GET3: variants seen among roughly 807,000 people sequenced by gnomAD.
The protein encoded by GET3 is guided entry of tail-anchored proteins factor 3, ATPase.
A neutral mutation model predicts 32.4 loss-of-function variants in GET3; 15 were observed. That is an observed-to-expected ratio of 0.46 (90% CI 0.31 to 0.71). The LOEUF is 0.71. GET3 is among the 30% of genes least tolerant of loss of function. The probability of loss-of-function intolerance (pLI) is 0.05; values close to 1 mark genes in which losing one functional copy is unlikely to be tolerated. For missense variants in GET3, 333 were observed against 459.0 expected (o/e 0.73, Z 2.51); for synonymous variants, 198 against 185.6 (o/e 1.07, Z -0.54).
At position 12,747,898 on chromosome 19, in the gene GET3, C is replaced by T; in HGVS notation, c.916-75C>T. The T allele has an allele frequency of 6.9e-7, 1 of 1,451,154 alleles. No homozygotes were observed. Among genetic ancestry groups the T allele is most frequent in the East Asian group, 2.3e-5 (1 of 43,580 alleles). 89.9% of individuals were successfully genotyped at this position (1,451,154 alleles called of 1,614,324 possible). ...CTCTGGAAGCTTTCTAGCTTTACCG[C>T]TTCTATTGATCCACACTCTGTCTCT... On this transcript the variant is annotated intron_variant, in intron 6 of 6. Transcript: ENST00000357332. The surrounding 1 kb of genome is among the most constrained non-coding windows in gnomAD (Gnocchi z 4.0).
In GET3 at chr19:12,746,866, C is replaced by T. The variant is rs941365144; in HGVS notation, c.610-331C>T. 5.9e-5 allele frequency among the ~76,000 whole-genome samples: 9 copies of T among 152,040 alleles called. No homozygotes were observed. In the East Asian group the frequency reaches 7.8e-4, roughly 13 times the overall value. On this transcript the variant is annotated intron_variant, in intron 4 of 6. Transcript: ENST00000357332. ...CAGTACTAAAAATACAAAAATTAGC[C>T]GGGCATGGTGGTGCGCGCCTGTAAT...
At chr19:12,740,136 A>C (rs976794079) in intron 2 of GET3, among the ~76,000 whole-genome samples, 22 of 151,936 alleles carry the variant, frequency 1.4e-4, no homozygotes, top group Non-Finnish European at 2.8e-4. Context: ...TCATCCCAGC[A>C]CTGTGGGAGA....
chr19:12,737,739 C>T, intron 1 of GET3, 73 bp downstream of exon 1: 1 of 1,502,686 alleles, frequency 6.7e-7, no homozygotes, highest in Non-Finnish European at 8.8e-7. Flanking sequence ...CAAGGACCGG[C>T]TTTTCCACCA....
rs1190089927 is a variant in GET3 at position 12,745,898 on chromosome 19, G to A, written c.609+139G>A. The A allele has an allele frequency of 8.9e-6, 11 of 1,238,900 alleles. No individual in the cohort carries two copies. The highest frequency in any genetic ancestry group is 6.1e-5 in the African/African-American group (4 of 65,918). 76.7% of individuals were successfully genotyped at this position (1,238,900 alleles called of 1,614,324 possible). On this transcript the variant is annotated intron_variant, in intron 4 of 6. Coordinates refer to ENST00000357332, the MANE Select transcript of GET3 (RefSeq NM_004317.4). The surrounding 1 kb of genome is among the most constrained non-coding windows in gnomAD (Gnocchi z 5.0). ...TCACTCTGGACTTCTCCCTGGAGGGGATGGGACGGAGCTGTCTTTCCTCCC... is the reference window on the plus strand; with the variant it reads ...TCACTCTGGACTTCTCCCTGGAGGGAATGGGACGGAGCTGTCTTTCCTCCC...
intron 2 of GET3, among the ~76,000 whole-genome samples, chr19:12,740,338 G>T (rs1010120711): frequency 6.6e-6 from 1 of 151,382 alleles, no homozygotes; most frequent in Non-Finnish European, 1.5e-5. Flanking sequence ...CTGAGATCGC[G>T]CCACTGCACT....
At chr19:12,743,017 G>A (rs1967698728) in intron 2 of GET3, among the ~76,000 whole-genome samples, 1 of 152,150 alleles carries the variant, frequency 6.6e-6, no homozygotes, top group Admixed American at 6.6e-5. Flanking sequence ...CAGGTGAGGG[G>A]ATGAAGTAGT....
intron 1 of GET3, among the ~76,000 whole-genome samples, chr19:12,737,922 T>C (rs1967603601): frequency 6.6e-6 from 1 of 152,118 alleles, no homozygotes; most frequent in Non-Finnish European, 1.5e-5. Context: ...GGGGAAGCAC[T>C]TAGATATCCC....
At chr19:12,742,335 G>A (rs989356543) in intron 2 of GET3, among the ~76,000 whole-genome samples, 4 of 151,294 alleles carry the variant, frequency 2.6e-5, no homozygotes, top group Non-Finnish European at 4.4e-5. Flanking sequence ...GAGTTTAAGC[G>A]ATTCTCCTGC....
Position 12,747,116 on chromosome 19 carries a change from C to A in GET3, c.610-81C>A. On this transcript the variant is annotated intron_variant, in intron 4 of 6. Coordinates refer to ENST00000357332, the MANE Select transcript of GET3 (RefSeq NM_004317.4). The surrounding 1 kb of genome is among the most constrained non-coding windows in gnomAD (Gnocchi z 4.0). ...TTAACCACTGGGAGGTATCAGGAGT[C>A]ATCCCTCGGGTGTTTAGTGAACCCC... 1 of 1,183,994 alleles carries A rather than the reference C, an allele frequency of 8.4e-7. No individual in the cohort carries two copies. The highest frequency in any genetic ancestry group is 1.2e-6 in the Non-Finnish European group (1 of 834,164). The allele number at this position is 1,183,994 out of a possible 1,614,324, so 73.3% of individuals were successfully genotyped here. A position where few individuals can be genotyped will look rare whatever the true frequency, so the allele number is the denominator to read the frequency against.
At chr19:12,744,641 G>A (rs550841113) in intron 2 of GET3, among the ~76,000 whole-genome samples, 5 of 152,192 alleles carry the variant, frequency 3.3e-5, no homozygotes, top group East Asian at 1.9e-4. Context: ...ATGTGCTGAC[G>A]ACCTCTGTGC....
At chr19:12,742,231 C>CT (rs758340070) in intron 2 of GET3, among the ~76,000 whole-genome samples, 12,183 of 133,826 alleles carry the variant, frequency 0.091, 1,340 homozygotes, top group African/African-American at 0.26. Context: ...GAGATGGTAT[C>CT]TTTTTTTTTT....
Position 12,745,413 on chromosome 19 carries a change from G to T in GET3, c.346G>T (p.Asp116Tyr). ...CAGCCTGGGCGTGGCGGAGCTGCCT[G>T]ACGAGTTCTTCGAGGAGGACAACAT... ...DPSLGVAELPDEFFEEDNMLS... is the reference protein window; with the variant it reads ...DPSLGVAELPYEFFEEDNMLS... Residue 116 changes from aspartate (D) to tyrosine (Y), a missense_variant, in exon 3 of 7, where the codon GAC becomes TAC. Physicochemically the swap from Asp to Tyr is radical, Grantham distance 160. Around this residue, in one of 3 missense-constraint regions of GET3, gnomAD observed 230 missense variants for 389.2 expected, o/e 0.59. Transcript: ENST00000357332. The surrounding 1 kb of genome is among the most constrained non-coding windows in gnomAD (Gnocchi z 5.0). 6.2e-7 allele frequency: 1 copy of T among 1,612,368 alleles called. No individual in the cohort carries two copies. The highest frequency in any genetic ancestry group is 8.5e-7 in the Non-Finnish European group (1 of 1,179,974).
At chr19:12,744,003 T>G (rs563643492) in intron 2 of GET3, among the ~76,000 whole-genome samples, 58 of 141,078 alleles carry the variant, frequency 4.1e-4, no homozygotes, top group Admixed American at 7.9e-4. Context: ...AGTGCTGGGA[T>G]TACAGGCGTG....
Position 12,747,715 on chromosome 19 carries a change from A to T in GET3, c.915+123A>T. The T allele has an allele frequency of 3.9e-6, 5 of 1,292,080 alleles. No homozygotes were observed. The highest frequency in any genetic ancestry group is 5.3e-6 in the Non-Finnish European group (5 of 943,348). 80.0% of individuals were successfully genotyped at this position (1,292,080 alleles called of 1,614,324 possible). ...CCTGCCCTTTGCCCCCACATTTCAGATCCTTCACCCTTATTCCGGCCATAG... is the reference window on the plus strand; with the variant it reads ...CCTGCCCTTTGCCCCCACATTTCAGTTCCTTCACCCTTATTCCGGCCATAG... On this transcript the variant is annotated intron_variant, in intron 6 of 6. Transcript: ENST00000357332. This position sits in a 1 kb window ranked among gnomAD's most constrained non-coding sequence, Gnocchi z 4.0.
In GET3 at chr19:12,746,880, C is replaced by T. The variant is rs188648722; in HGVS notation, c.610-317C>T. ...CAAAAATTAGCCGGGCATGGTGGTG[C>T]GCGCCTGTAATCCCAGCTACTCAAG... On this transcript the variant is annotated intron_variant, in intron 4 of 6. Transcript: ENST00000357332. Among the ~76,000 whole-genome samples, 572 of 151,970 alleles carry T rather than the reference C, an allele frequency of 3.8e-3. 4 individuals are homozygous for T. Among genetic ancestry groups the T allele is most frequent in the African/African-American group, 0.013 (539 of 41,414 alleles).
chr19:12,743,092 A>G (rs756347109), intron 2 of GET3, among the ~76,000 whole-genome samples: 6 of 152,224 alleles, frequency 3.9e-5, no homozygotes, highest in Non-Finnish European at 7.3e-5. Flanking sequence ...CAAGCTCCCC[A>G]ACAGGGAATG....
chr19:12,745,650 C>T lies in GET3; in HGVS notation c.500C>T (p.Thr167Met). Reference sequence around the variant, plus strand: ...AACTTCTCGGTGGTGGTATTTGACACGGCACCCACGGGCCACACCCTGAGG... The same window carrying T: ...AACTTCTCGGTGGTGGTATTTGACATGGCACCCACGGGCCACACCCTGAGG... ...GMNFSVVVFD[T>M]APTGHTLRLL... The change falls in exon 4 of 7, where the codon ACG becomes ATG. Residue 167 changes from threonine (T) to methionine (M), a missense_variant. This residue lies in a region of GET3 where 230 missense variants were observed against 389.2 expected (regional missense o/e 0.59). Transcript: ENST00000357332. The surrounding 1 kb of genome is among the most constrained non-coding windows in gnomAD (Gnocchi z 5.0). 2 of 1,609,606 alleles carry T rather than the reference C, an allele frequency of 1.2e-6. No homozygotes were observed. Among genetic ancestry groups the T allele is most frequent in the Non-Finnish European group, 8.5e-7 (1 of 1,178,846 alleles).
rs1967810958 is a variant in GET3, at chr19:12,748,158, A to G, written c.*54A>G. ...TTCACACTCACCCTCCACCCTCCCC[A>G]CCCCCTCGGGGCAGAGTTTGCACAA... is the stretch of plus-strand genomic sequence containing the variant. On this transcript the variant is annotated 3_prime_UTR_variant, in exon 7 of 7. Transcript: ENST00000357332. The G allele has an allele frequency of 6.1e-6, 9 of 1,479,250 alleles. No individual in the cohort carries two copies. The Admixed American group carries it at 8.0e-5, about 13-fold the overall frequency. The allele number at this position is 1,479,250 out of a possible 1,614,324, so 91.6% of individuals were successfully genotyped here.
intron 2 of GET3, among the ~76,000 whole-genome samples, chr19:12,744,640 C>T (rs1286902199): frequency 1.3e-5 from 2 of 152,140 alleles, no homozygotes; most frequent in Non-Finnish European, 2.9e-5. Context: ...TATGTGCTGA[C>T]GACCTCTGTG....
Sources: allele counts gnomAD v4.1 joint callset (sites outside exome capture counted in the v4.1 genomes callset), GRCh38; gene constraint gnomAD v4.1.1; regional missense constraint gnomAD v4.1.1; non-coding constraint Gnocchi (gnomAD v3.1); transcripts MANE v1.5; gene names NCBI Gene and HGNC (gene_info 2026-07-23, HGNC 2026-07-21).